The following ZBTB34 variants were observed in gnomAD, a reference collection of about 807,000 sequenced individuals.
ZBTB34 encodes zinc finger and BTB domain-containing protein 34.
Under a neutral mutation model 33.4 loss-of-function variants are expected in ZBTB34, and 1 was observed. The ratio of observed to expected loss-of-function variants is 0.03; its 90% CI spans 0.01 to 0.14. The LOEUF (loss-of-function observed/expected upper bound fraction) is 0.14, where lower values mean the gene tolerates loss of function less well. ZBTB34 is among the 10% of genes least tolerant of loss of function. ZBTB34 has a pLI of 1.00. For synonymous variants in ZBTB34, 283 were observed against 253.5 expected, an observed-to-expected ratio of 1.12 and a Z score of -1.11; for missense variants, 406 against 657.2, an observed-to-expected ratio of 0.62 and a Z score of 4.18.
chr9:126,861,225 G>A (rs1336006138), intron 1 of ZBTB34, among the ~76,000 whole-genome samples: 1 of 152,188 alleles, frequency 6.6e-6, no homozygotes, highest in Admixed American at 6.5e-5. Flanking sequence ...TCACGCCACC[G>A]CCTTCCTCCA....
Position 126,870,246 on chromosome 9 carries a change from C to T in ZBTB34, c.-10-9144C>T, listed in dbSNP as rs372210361. ...TGAAAAACTAATATAAATCACTACTCTGCATTATCAAAAATGAATTCCATT... is the reference window on the plus strand; with the variant it reads ...TGAAAAACTAATATAAATCACTACTTTGCATTATCAAAAATGAATTCCATT... On this transcript the variant is annotated intron_variant, in intron 1 of 1. Transcript: ENST00000319119. 2.6e-5 allele frequency among the ~76,000 whole-genome samples: 4 copies of T among 152,284 alleles called. No homozygotes were observed. In the East Asian group the frequency reaches 5.8e-4, roughly 22 times the overall value.
chr9:126,885,709 A>C (rs993114133), exon 2 of ZBTB34: 3 of 167,094 alleles, frequency 1.8e-5, no homozygotes, highest in Non-Finnish European at 2.9e-5. Context: ...TATTTATTCA[A>C]ATGATATTTT....
chr9:126,883,936 C>T (rs545720600), exon 2 of ZBTB34: 128 of 167,234 alleles, frequency 7.7e-4, no homozygotes, highest in Non-Finnish European at 8.1e-4. Context: ...CCGAAACATT[C>T]TCTCCCTGAA....
chr9:126,879,364 A>G lies in ZBTB34; in HGVS notation c.-10-26A>G, dbSNP rs2033403587. The G allele has an allele frequency of 6.4e-7, 1 of 1,559,786 alleles. No individual in the cohort carries two copies. Among genetic ancestry groups the G allele is most frequent in the African/African-American group, 1.4e-5 (1 of 73,716 alleles). On this transcript the variant is annotated intron_variant, in intron 1 of 1. Coordinates refer to ENST00000319119, the Ensembl canonical transcript of ZBTB34. The surrounding 1 kb of genome is among the most constrained non-coding windows in gnomAD (Gnocchi z 6.4). ...GTACTTAGTGAGGAGTCATTGGTGAATGATGCAAACTCTCTCTCTCCGCAG... is the reference window on the plus strand; with the variant it reads ...GTACTTAGTGAGGAGTCATTGGTGAGTGATGCAAACTCTCTCTCTCCGCAG...
intron 1 of ZBTB34, among the ~76,000 whole-genome samples, chr9:126,871,186 T>C (rs1010093687): frequency 1.5e-5 from 2 of 135,632 alleles, no homozygotes; most frequent in Admixed American, 1.4e-4. Flanking sequence ...GAGGGGGGTG[T>C]GTGTGTGTGT....
chr9:126,873,400 A>T (rs533276358), intron 1 of ZBTB34, among the ~76,000 whole-genome samples: 1 of 152,012 alleles, frequency 6.6e-6, no homozygotes, highest in South Asian at 2.1e-4. Flanking sequence ...AGTACCTGGG[A>T]CTACAGGCGC....
At chr9:126,866,286 G>A (rs2033200495) in intron 1 of ZBTB34, among the ~76,000 whole-genome samples, 1 of 152,128 alleles carries the variant, frequency 6.6e-6, no homozygotes, top group Non-Finnish European at 1.5e-5. Flanking sequence ...TGTCCTGGCT[G>A]AGCTACGTGG....
intron 1 of ZBTB34, among the ~76,000 whole-genome samples, chr9:126,868,966 G>A (rs1273706228): frequency 2.0e-5 from 3 of 151,950 alleles, no homozygotes; most frequent in African/African-American, 4.8e-5. Flanking sequence ...CACGGTGGCC[G>A]CGGGGCCCAC....
chr9:126,869,091 G>C (rs1437917443), intron 1 of ZBTB34, among the ~76,000 whole-genome samples: 2 of 152,046 alleles, frequency 1.3e-5, no homozygotes, highest in Non-Finnish European at 2.9e-5. Context: ...AAATTGCTTG[G>C]TCACAGCGAA....
At chr9:126,873,322 G>T (rs2033305974) in intron 1 of ZBTB34, among the ~76,000 whole-genome samples, 1 of 152,076 alleles carries the variant, frequency 6.6e-6, no homozygotes. Context: ...GGAGGGTAGT[G>T]GCACAATCTC....
rs757678563 is a variant in ZBTB34 at position 126,880,153 on chromosome 9, G to A, written c.754G>A (p.Asp252Asn). The change falls in exon 2 of 2, where the codon GAC becomes AAC. Residue 252 changes from aspartate to asparagine, a missense_variant. This residue lies in a region of ZBTB34 where 137 missense variants were observed against 173.0 expected (regional missense o/e 0.79). Coordinates refer to ENST00000319119, the Ensembl canonical transcript of ZBTB34. This position sits in a 1 kb window ranked among gnomAD's most constrained non-coding sequence, Gnocchi z 6.7. ...GAAGTCCGACCGGCCCAGCTGTTCC[G>A]ACAGCTCCTCCCTGGGTGACGATGG... is the stretch of plus-strand genomic sequence containing the variant. 4 of 1,613,792 alleles carry A rather than the reference G, an allele frequency of 2.5e-6. No individual in the cohort carries two copies. Among genetic ancestry groups the A allele is most frequent in the Admixed American group, 3.3e-5 (2 of 60,016 alleles).
intron 1 of ZBTB34, among the ~76,000 whole-genome samples, chr9:126,869,778 A>G (rs1263581308): frequency 6.6e-6 from 1 of 152,202 alleles, no homozygotes; most frequent in Non-Finnish European, 1.5e-5. Flanking sequence ...TTTTGGAAGT[A>G]AGAAATTAAA....
At chr9:126,868,124 G>A (rs894514756) in intron 1 of ZBTB34, among the ~76,000 whole-genome samples, 2 of 152,072 alleles carry the variant, frequency 1.3e-5, no homozygotes, top group Admixed American at 6.5e-5. Context: ...TGTTTTTGTC[G>A]AGTGGCTTTT....
At position 126,880,445 on chromosome 9, in the gene ZBTB34, C is replaced by T; in HGVS notation, c.1046C>T (p.Ala349Val). The T allele has an allele frequency of 6.2e-7, 1 of 1,613,634 alleles. No homozygotes were observed. The highest frequency in any genetic ancestry group is 8.5e-7 in the Non-Finnish European group (1 of 1,179,854). Reference sequence around the variant, plus strand: ...CTGGTGCAGGGCTCTGACAGTGAAGCCATGATGAACAACCCCGGGTATGAG... The same window carrying T: ...CTGGTGCAGGGCTCTGACAGTGAAGTCATGATGAACAACCCCGGGTATGAG... The change falls in exon 2 of 2, where the codon GCC becomes GTC. Residue 349 changes from alanine (A) to valine (V), a missense_variant. Coordinates refer to ENST00000319119, the Ensembl canonical transcript of ZBTB34. This position sits in a 1 kb window ranked among gnomAD's most constrained non-coding sequence, Gnocchi z 6.7.
intron 1 of ZBTB34, among the ~76,000 whole-genome samples, chr9:126,868,162 C>T (rs746614828): frequency 3.3e-5 from 5 of 151,992 alleles, no homozygotes; most frequent in Admixed American, 6.6e-5. Flanking sequence ...GGGTAAAATG[C>T]GTTAACCTGG....
In ZBTB34 at chr9:126,879,892, G is replaced by C; in HGVS notation, c.493G>C (p.Val165Leu). 1 of 1,613,042 alleles carries C rather than the reference G, an allele frequency of 6.2e-7. No homozygotes were observed. Among genetic ancestry groups the C allele is most frequent in the South Asian group, 1.1e-5 (1 of 91,076 alleles). ...AGACAGCAGCTTCTTTGCCAACCCA[G>C]TGGAGATCTCTCCTCCATATTGCTC... The change falls in exon 2 of 2, where the codon GTG (valine) becomes CTG (leucine). Residue 165 changes from valine (V) to leucine (L), a missense_variant. Val to Leu is a conservative substitution (Grantham distance 32). Transcript: ENST00000319119. The surrounding 1 kb of genome is among the most constrained non-coding windows in gnomAD (Gnocchi z 6.4).
Position 126,880,440 on chromosome 9 carries a change from T to C in ZBTB34, c.1041T>C (p.Ser347=). 6.2e-7 allele frequency: 1 copy of C among 1,613,518 alleles called. No individual in the cohort carries two copies. The highest frequency in any genetic ancestry group is 8.5e-7 in the Non-Finnish European group (1 of 1,179,842). Residue 347 remains serine (S), a synonymous_variant, in exon 2 of 2, where the codon AGT becomes AGC. Coordinates refer to ENST00000319119, the Ensembl canonical transcript of ZBTB34. The surrounding 1 kb of genome is among the most constrained non-coding windows in gnomAD (Gnocchi z 6.7). Reference sequence around the variant, plus strand: ...AGGGCCTGGTGCAGGGCTCTGACAGTGAAGCCATGATGAACAACCCCGGGT... The same window carrying C: ...AGGGCCTGGTGCAGGGCTCTGACAGCGAAGCCATGATGAACAACCCCGGGT...
chr9:126,873,077 C>A (rs2033302546), intron 1 of ZBTB34, among the ~76,000 whole-genome samples: 1 of 152,138 alleles, frequency 6.6e-6, no homozygotes, highest in Non-Finnish European at 1.5e-5. Context: ...GCCCTGCAGT[C>A]CACACCTTTA....
rs148527708 is a variant in ZBTB34 at position 126,880,005 on chromosome 9, G to A, written c.606G>A (p.Gly202=). ...TGCGCAGCCGCTTACAGGAGGAGGG[G>A]CACTCAGACCGCGGGAGCAGTGGGA... Residue 202 remains glycine, a synonymous_variant, in exon 2 of 2, where the codon GGG becomes GGA. Coordinates refer to ENST00000319119, the Ensembl canonical transcript of ZBTB34. The surrounding 1 kb of genome is among the most constrained non-coding windows in gnomAD (Gnocchi z 6.7). The A allele has an allele frequency of 1.6e-5, 26 of 1,613,634 alleles. No homozygotes were observed. The East Asian group carries it at 5.8e-4, about 36-fold the overall frequency.
Sources: gnomAD v4.1 joint callset for allele counts (sites outside exome capture counted in the v4.1 genomes callset) on GRCh38, gnomAD v4.1.1 for gene constraint, gnomAD v4.1.1 regional missense constraint, Gnocchi (gnomAD v3.1) non-coding constraint, MANE v1.5 for transcripts, NCBI Gene and HGNC (gene_info 2026-07-23, HGNC 2026-07-21) for gene names.